CCDC7: variants seen among roughly 807,000 people sequenced by gnomAD.
CCDC7 encodes coiled-coil domain-containing protein 7.
In CCDC7, 183 loss-of-function variants were observed where a neutral mutation model predicts 196.9. The observed-to-expected ratio is 0.93, with a 90% CI of 0.82 to 1.05. CCDC7 has a LOEUF of 1.05. Among genes scored for constraint, CCDC7 ranks in the 50% least tolerant of loss-of-function variants. The pLI is 0.00. For missense variants in CCDC7, 1,540 were observed against 1,482.2 expected, an observed-to-expected ratio of 1.04 and a Z score of -0.64; for synonymous variants, 525 against 484.6, an observed-to-expected ratio of 1.08 and a Z score of -1.10.
At chr10:32,623,072 C>T (rs1032964074) in intron 18 of CCDC7, among the ~76,000 whole-genome samples, 63 of 152,094 alleles carry the variant, frequency 4.1e-4, no homozygotes, top group African/African-American at 1.4e-3. Flanking sequence ...AAGTTTTCAG[C>T]GTCCCCTACA....
At chr10:32,653,508 G>T (rs2069168119) in intron 20 of CCDC7, among the ~76,000 whole-genome samples, 1 of 152,166 alleles carries the variant, frequency 6.6e-6, no homozygotes, top group Non-Finnish European at 1.5e-5. Flanking sequence ...CTAAAACCAG[G>T]TACCATGACC....
chr10:32,697,654 G>A (rs1286461445), intron 24 of CCDC7, among the ~76,000 whole-genome samples: 2 of 152,292 alleles, frequency 1.3e-5, no homozygotes, highest in East Asian at 3.9e-4. Flanking sequence ...GCTTGACTAG[G>A]TAAACAAAGC....
At chr10:32,782,418 G>A (rs1012407867) in intron 29 of CCDC7, among the ~76,000 whole-genome samples, 2 of 152,078 alleles carry the variant, frequency 1.3e-5, no homozygotes, top group African/African-American at 4.8e-5. Flanking sequence ...AGAAGAAACG[G>A]GGTTTCACTA....
At chr10:32,753,426 A>G (rs1438728913) in intron 28 of CCDC7, among the ~76,000 whole-genome samples, 1 of 152,184 alleles carries the variant, frequency 6.6e-6, no homozygotes, top group Non-Finnish European at 1.5e-5. Context: ...TATTTAATAA[A>G]TAATCCACAA....
chr10:32,510,481 GGT>G (rs368832786), intron 9 of CCDC7, among the ~76,000 whole-genome samples: 60 of 152,114 alleles, frequency 3.9e-4, no homozygotes, highest in African/African-American at 1.4e-3. Context: ...AAACAATTAT[GGT>G]ATTAATGAGG....
chr10:32,472,468 C>G lies in CCDC7; in HGVS notation c.678-13C>G, dbSNP rs772968150. On this transcript the variant is annotated splice_polypyrimidine_tract_variant and intron_variant, in intron 6 of 41. Transcript: ENST00000639629. ...ATATATTAAAAAATATTTCATTTATCGAACTTTAACAGGGATAAAGAAAAT... is the reference window on the plus strand; with the variant it reads ...ATATATTAAAAAATATTTCATTTATGGAACTTTAACAGGGATAAAGAAAAT... 3 of 1,559,368 alleles carry G rather than the reference C, an allele frequency of 1.9e-6. No homozygotes were observed. The highest frequency in any genetic ancestry group is 1.7e-6 in the Non-Finnish European group (2 of 1,155,576).
chr10:32,780,024 G>A (rs1405389346), intron 29 of CCDC7, among the ~76,000 whole-genome samples: 3 of 152,172 alleles, frequency 2.0e-5, no homozygotes, highest in Non-Finnish European at 4.4e-5. Context: ...AGATCACGAG[G>A]TCAGGAAATC....
At chr10:32,537,153 A>G (rs933770779) in intron 11 of CCDC7, among the ~76,000 whole-genome samples, 1 of 151,970 alleles carries the variant, frequency 6.6e-6, no homozygotes, top group Non-Finnish European at 1.5e-5. Flanking sequence ...CCTCAACCTC[A>G]CTGGCATCTG....
chr10:32,764,961 A>G (rs568052444), intron 28 of CCDC7, among the ~76,000 whole-genome samples: 5 of 152,118 alleles, frequency 3.3e-5, no homozygotes, highest in Admixed American at 2.6e-4. Flanking sequence ...CTAGTTGATA[A>G]TTGTGTTTGT....
intron 18 of CCDC7, among the ~76,000 whole-genome samples, chr10:32,626,905 T>G (rs762344938): frequency 1.3e-5 from 2 of 152,038 alleles, no homozygotes; most frequent in Non-Finnish European, 2.9e-5. Context: ...TTCCATTGGT[T>G]GGTGTGTCTA....
At chr10:32,622,574 A>C (rs1737667657) in intron 18 of CCDC7, among the ~76,000 whole-genome samples, 1 of 152,070 alleles carries the variant, frequency 6.6e-6, no homozygotes, top group South Asian at 2.1e-4. Context: ...TGATCTGTTT[A>C]ATCAGTGTTT....
chr10:32,509,773 G>A (rs1283558974), intron 9 of CCDC7, among the ~76,000 whole-genome samples: 1 of 152,118 alleles, frequency 6.6e-6, no homozygotes, highest in East Asian at 1.9e-4. Flanking sequence ...ATATACATGG[G>A]TATGGGAAAA....
intron 29 of CCDC7, among the ~76,000 whole-genome samples, chr10:32,802,751 G>T (rs771860850): frequency 1.3e-5 from 2 of 152,228 alleles, no homozygotes; most frequent in East Asian, 3.8e-4. Context: ...AACTACTGGT[G>T]TAGGTCCAAG....
chr10:32,502,011 C>T lies in CCDC7; in HGVS notation c.872+10014C>T, dbSNP rs576052161. Among the ~76,000 whole-genome samples the T allele has an allele frequency of 5.3e-5, 8 of 152,252 alleles. No homozygotes were observed. The South Asian group carries it at 1.5e-3, about 28-fold the overall frequency. On this transcript the variant is annotated intron_variant, in intron 9 of 41. Coordinates refer to ENST00000639629, the Ensembl canonical transcript of CCDC7. ...GCTCCAACCAGTTCGAACTTCCTGG[C>T]GGCTTTGTTTACACTGTAAGGTAAA...
At chr10:32,766,934 T>C (rs533973890) in intron 28 of CCDC7, among the ~76,000 whole-genome samples, 3 of 152,248 alleles carry the variant, frequency 2.0e-5, no homozygotes, top group African/African-American at 7.2e-5. Context: ...CTGGTTCTTG[T>C]GATGGTGCTT....
chr10:32,832,391 T>C (rs1426530888), intron 32 of CCDC7, among the ~76,000 whole-genome samples: 1 of 151,992 alleles, frequency 6.6e-6, no homozygotes, highest in Admixed American at 6.6e-5. Flanking sequence ...TAATCCCAGT[T>C]ACTCATGAGG....
chr10:32,812,892 G>A (rs887549569), intron 30 of CCDC7, among the ~76,000 whole-genome samples: 5 of 152,022 alleles, frequency 3.3e-5, no homozygotes, highest in Non-Finnish European at 7.4e-5. Flanking sequence ...TACATCTGCC[G>A]ATGTTTCCAG....
intron 8 of CCDC7, among the ~76,000 whole-genome samples, chr10:32,480,148 A>G (rs2039705277): frequency 6.6e-6 from 1 of 151,758 alleles, no homozygotes; most frequent in African/African-American, 2.4e-5. Flanking sequence ...ACCAAATCTT[A>G]GTTTTGTTGA....
At chr10:32,683,710 T>C (rs1467757518) in intron 21 of CCDC7, among the ~76,000 whole-genome samples, 4 of 152,194 alleles carry the variant, frequency 2.6e-5, no homozygotes, top group Non-Finnish European at 4.4e-5. Context: ...TGAGTACTGC[T>C]GCAGCAGCAA....
Sources: gnomAD v4.1 joint callset for allele counts (sites outside exome capture counted in the v4.1 genomes callset) on GRCh38, gnomAD v4.1.1 for gene constraint, MANE v1.5 for transcripts, NCBI Gene and HGNC (gene_info 2026-07-23, HGNC 2026-07-21) for gene names.